The following TECPR2 variants were observed in gnomAD, a reference collection of about 807,000 sequenced individuals.
TECPR2 encodes the protein tectonin beta-propeller repeat-containing protein 2.
TECPR2 carries 65 observed loss-of-function variants against 138.1 expected under a neutral mutation model. The ratio of observed to expected loss-of-function variants is 0.47; its 90% CI spans 0.39 to 0.58. The LOEUF (loss-of-function observed/expected upper bound fraction) is 0.58, where lower values mean the gene tolerates loss of function less well. Ranked by LOEUF, TECPR2 falls within the 20% of genes least tolerant of loss-of-function variation. TECPR2 has a pLI of 0.00. For missense variants in TECPR2, 1,553 were observed against 1,824.5 expected (o/e 0.85, Z 2.71); for synonymous variants, 746 against 749.8 (o/e 0.99, Z 0.08).
intron 1 of TECPR2, among the ~76,000 whole-genome samples, chr14:102,374,708 T>A (rs1218629191): frequency 2.0e-5 from 3 of 152,206 alleles, no homozygotes; most frequent in Non-Finnish European, 4.4e-5. Flanking sequence ...AAAAATATTT[T>A]TTGTTGAGGC....
chr14:102,451,081 T>C lies in TECPR2; in HGVS notation c.3406+432T>C, dbSNP rs191594012. On this transcript the variant is annotated intron_variant, in intron 15 of 19. Transcript: ENST00000359520. ...ACCTAAGTCCGACATTTGCACCGCA[T>C]TAGGCAGACCTGCCCTGCAGCGGGG... Among the ~76,000 whole-genome samples, 61 of 152,342 alleles carry C rather than the reference T, an allele frequency of 4.0e-4. 1 individual carries two copies. The highest frequency in any genetic ancestry group is 2.4e-3 in the Admixed American group (36 of 15,298).
intron 2 of TECPR2, among the ~76,000 whole-genome samples, chr14:102,404,097 T>A (rs141534456): frequency 0.038 from 5,624 of 149,870 alleles, 120 homozygotes; most frequent in Middle Eastern, 0.089. Flanking sequence ...AGAGATGGGG[T>A]CTCACTATGT....
chr14:102,397,542 T>TGGATCAC (rs1326131249), intron 2 of TECPR2, among the ~76,000 whole-genome samples: 1 of 151,932 alleles, frequency 6.6e-6, no homozygotes, highest in Non-Finnish European at 1.5e-5. Context: ...AGGTCAGGAG[T>TGGATCAC]TTGAGACCAG....
intron 13 of TECPR2, among the ~76,000 whole-genome samples, chr14:102,448,852 G>T (rs1426347117): frequency 6.6e-6 from 1 of 151,872 alleles, no homozygotes; most frequent in African/African-American, 2.4e-5. Context: ...GGGTGGCAGG[G>T]CAAGACTATG....
intron 2 of TECPR2, among the ~76,000 whole-genome samples, chr14:102,384,391 A>T (rs1325350398): frequency 1.3e-5 from 2 of 149,580 alleles, no homozygotes; most frequent in East Asian, 4.2e-4. Flanking sequence ...AAGAGATCAC[A>T]TGGTAGGCCG....
chr14:102,395,953 G>T (rs1182419819), intron 2 of TECPR2, among the ~76,000 whole-genome samples: 1 of 152,210 alleles, frequency 6.6e-6, no homozygotes, highest in Non-Finnish European at 1.5e-5. Flanking sequence ...GGGGCAGGTA[G>T]ATTATGGATA....
chr14:102,388,687 G>A (rs118156772), intron 2 of TECPR2, among the ~76,000 whole-genome samples: 4,135 of 152,178 alleles, frequency 0.027, 74 homozygotes, highest in Middle Eastern at 0.082. Flanking sequence ...AAAAGGCCGG[G>A]TGCGGTGCCT....
intron 3 of TECPR2, among the ~76,000 whole-genome samples, chr14:102,407,809 A>G (rs1888704902): frequency 6.6e-6 from 1 of 152,124 alleles, no homozygotes; most frequent in South Asian, 2.1e-4. Context: ...ATCCTGACTA[A>G]CACAGTGAAA....
chr14:102,385,448 T>C (rs1887970905), intron 2 of TECPR2, among the ~76,000 whole-genome samples: 2 of 151,508 alleles, frequency 1.3e-5, no homozygotes, highest in South Asian at 4.1e-4. Flanking sequence ...ATAAGTCACG[T>C]GAGCTTTGAA....
intron 17 of TECPR2, among the ~76,000 whole-genome samples, chr14:102,482,611 G>T (rs1038005967): frequency 2.0e-5 from 3 of 152,174 alleles, no homozygotes; most frequent in Admixed American, 1.3e-4. Context: ...CTCTGTGTCT[G>T]TGTTTGTTTG....
chr14:102,365,960 A>G (rs1226447911), intron 1 of TECPR2, among the ~76,000 whole-genome samples: 2 of 152,204 alleles, frequency 1.3e-5, no homozygotes, highest in Non-Finnish European at 2.9e-5. Flanking sequence ...ATAATTTAAT[A>G]CTCAAATAAT....
At chr14:102,412,793 T>C (rs1888920065) in intron 4 of TECPR2, among the ~76,000 whole-genome samples, 1 of 152,028 alleles carries the variant, frequency 6.6e-6, no homozygotes, top group South Asian at 2.1e-4. Context: ...GAAGGGAGAA[T>C]ACAAAAGTAC....
intron 4 of TECPR2, among the ~76,000 whole-genome samples, chr14:102,410,380 T>C (rs529684692): frequency 2.6e-4 from 40 of 151,294 alleles, no homozygotes; most frequent in Non-Finnish European, 4.4e-4. Context: ...CACTTGTTTA[T>C]CTGCTGACCT....
chr14:102,434,191 A>G (rs941896435), intron 8 of TECPR2, 44 bp from the exon 9 acceptor site: 1 of 1,344,268 alleles, frequency 7.4e-7, no homozygotes, highest in African/African-American at 1.5e-5. Flanking sequence ...CTTACTAATC[A>G]TATAGAACCG....
chr14:102,376,535 A>G (rs1887642411), intron 1 of TECPR2, 115 bp from the exon 2 acceptor site: 3 of 601,332 alleles, frequency 5.0e-6, no homozygotes, highest in South Asian at 2.0e-5. Flanking sequence ...TTCCCTGTTT[A>G]TTTAAGCTCC....
chr14:102,495,397 T>A (rs1252847507), intron 17 of TECPR2, among the ~76,000 whole-genome samples: 1 of 152,184 alleles, frequency 6.6e-6, no homozygotes, highest in Admixed American at 6.5e-5. Flanking sequence ...TGGAACCCCC[T>A]TTCTATACAT....
At chr14:102,372,134 AG>A (rs1383149092) in intron 1 of TECPR2, among the ~76,000 whole-genome samples, 1 of 152,078 alleles carries the variant, frequency 6.6e-6, no homozygotes, top group Non-Finnish European at 1.5e-5. Flanking sequence ...TATTTTTTGC[AG>A]AGTCAGGATC....
At chr14:102,366,591 C>G (rs1033584318) in intron 1 of TECPR2, among the ~76,000 whole-genome samples, 11 of 152,182 alleles carry the variant, frequency 7.2e-5, no homozygotes, top group Non-Finnish European at 1.2e-4. Context: ...AAGCAATCCT[C>G]CCACCTCGGC....
At chr14:102,496,875 G>A in intron 17 of TECPR2, 104 bp from the exon 18 acceptor site, 1 of 1,529,644 alleles carries the variant, frequency 6.5e-7, no homozygotes, top group Non-Finnish European at 8.8e-7. Flanking sequence ...GCCCACACTG[G>A]CTGCTGCATG....
Sources: gnomAD v4.1 joint callset for allele counts (sites outside exome capture counted in the v4.1 genomes callset) on GRCh38, gnomAD v4.1.1 for gene constraint, MANE v1.5 for transcripts, NCBI Gene and HGNC (gene_info 2026-07-23, HGNC 2026-07-21) for gene names.